Variants in IL1RAPL1 observed in about 807,000 individuals in gnomAD.
The protein encoded by IL1RAPL1 is interleukin-1 receptor accessory protein-like 1.
IL1RAPL1 carries 3 observed loss-of-function variants against 48.4 expected under a neutral mutation model. The observed-to-expected ratio is 0.06, with a 90% CI of 0.03 to 0.16. The LOEUF is 0.16. Among genes scored for constraint, IL1RAPL1 ranks in the 10% least tolerant of loss-of-function variants. IL1RAPL1 has a pLI of 1.00. For synonymous variants in IL1RAPL1, 185 were observed against 187.7 expected, an observed-to-expected ratio of 0.99 and a Z score of 0.12; for missense variants, 349 against 530.6, an observed-to-expected ratio of 0.66 and a Z score of 3.36.
chrX:28,694,902 T>C (rs1427991083), intron 1 of IL1RAPL1, among the ~76,000 whole-genome samples: 2 of 111,343 alleles, frequency 1.8e-5, no homozygotes, highest in African/African-American at 6.5e-5. Context: ...ATTCCACCTT[T>C]GATCCTCCTG....
chrX:29,571,799 C>T lies in IL1RAPL1; in HGVS notation c.704-96631C>T, dbSNP rs549379488. Among the ~76,000 whole-genome samples the T allele has an allele frequency of 2.5e-4, 28 of 111,359 alleles. No individual in the cohort carries two copies. In the South Asian group the frequency reaches 9.8e-3, roughly 39 times the overall value. On this transcript the variant is annotated intron_variant, in intron 5 of 10. Transcript: ENST00000378993. Reference sequence around the variant, plus strand: ...GCCAAATCATCTTAGACTTTATGTCCCTTCCTCCCTACAATGTCACCATCC... The same window carrying T: ...GCCAAATCATCTTAGACTTTATGTCTCTTCCTCCCTACAATGTCACCATCC...
intron 6 of IL1RAPL1, among the ~76,000 whole-genome samples, chrX:29,782,472 ACT>A (rs1454417282): frequency 9.0e-6 from 1 of 111,282 alleles, no homozygotes; most frequent in Non-Finnish European, 1.9e-5. Flanking sequence ...CCTCTTTTAT[ACT>A]TTGTACTAAA....
At chrX:29,586,089 G>A (rs1923149489) in intron 5 of IL1RAPL1, among the ~76,000 whole-genome samples, 1 of 111,659 alleles carries the variant, frequency 9.0e-6, no homozygotes, top group Non-Finnish European at 1.9e-5. Context: ...GGTTGCCTAT[G>A]CTTTTGGTGT....
In IL1RAPL1 at chrX:29,129,974, T is replaced by G. The variant is rs1317197287; in HGVS notation, c.83-152964T>G. ...AACCCTCATATTTTCTATATTTATT[T>G]GAAAGGGAAGATTTTGGGTTTTTCA... On this transcript the variant is annotated intron_variant, in intron 2 of 10. Coordinates refer to ENST00000378993, the MANE Select transcript of IL1RAPL1 (RefSeq NM_014271.4). Among the ~76,000 whole-genome samples the G allele has an allele frequency of 3.6e-5, 4 of 111,538 alleles. No individual in the cohort carries two copies. The East Asian group carries it at 1.1e-3, about 31-fold the overall frequency.
At chrX:29,033,686 A>G (rs972078815) in intron 2 of IL1RAPL1, among the ~76,000 whole-genome samples, 6 of 111,315 alleles carry the variant, frequency 5.4e-5, no homozygotes, top group African/African-American at 2.0e-4. Context: ...GGAGTCAGGG[A>G]TAGGAAATGA....
chrX:29,710,354 GT>G (rs11385352), intron 6 of IL1RAPL1, among the ~76,000 whole-genome samples: 13 of 100,195 alleles, frequency 1.3e-4, no homozygotes, highest in Admixed American at 3.3e-4. Context: ...ACTTTGTTGA[GT>G]TTTTTTTTTT....
At chrX:28,611,303 C>T (rs921088687) in intron 1 of IL1RAPL1, among the ~76,000 whole-genome samples, 2 of 111,351 alleles carry the variant, frequency 1.8e-5, no homozygotes, top group East Asian at 2.8e-4. Context: ...TTCAAGAGCG[C>T]GGTAGGAGAG....
In IL1RAPL1 at chrX:29,018,317, T is replaced by C. The variant is rs747831870; in HGVS notation, c.82+228892T>C. On this transcript the variant is annotated intron_variant, in intron 2 of 10. Coordinates refer to ENST00000378993, the MANE Select transcript of IL1RAPL1 (RefSeq NM_014271.4). ...ATGGGTTTACATATTAATTAATCTG[T>C]TGATGTATTCATGCATGCATTTGCA... Among the ~76,000 whole-genome samples, 5 of 112,496 alleles carry C rather than the reference T, an allele frequency of 4.4e-5. No individual in the cohort carries two copies. The East Asian group carries it at 1.4e-3, about 32-fold the overall frequency.
intron 5 of IL1RAPL1, among the ~76,000 whole-genome samples, chrX:29,509,687 G>GCGCA (rs1569327313): frequency 1.8e-5 from 2 of 109,479 alleles, no homozygotes; most frequent in African/African-American, 6.7e-5. Flanking sequence ...GCGCCCACAC[G>GCGCA]CACACACACA....
At chrX:29,670,760 A>G (rs1168188573) in intron 6 of IL1RAPL1, among the ~76,000 whole-genome samples, 1 of 112,170 alleles carries the variant, frequency 8.9e-6, no homozygotes, top group East Asian at 2.8e-4. Flanking sequence ...CCCTTTCCAT[A>G]TTTGACAAAA....
intron 5 of IL1RAPL1, among the ~76,000 whole-genome samples, chrX:29,479,431 A>AAAAAAAAAAAT (rs1384814024): frequency 9.4e-6 from 1 of 105,870 alleles, no homozygotes; most frequent in African/African-American, 3.5e-5. Flanking sequence ...AAAAAAAAAA[A>AAAAAAAAAAAT]TTAGCATTGT....
Position 28,666,833 on chromosome X carries a change from T to A in IL1RAPL1, c.-25+78786T>A, listed in dbSNP as rs769238263. Among the ~76,000 whole-genome samples the A allele has an allele frequency of 5.4e-5, 6 of 111,850 alleles. No individual in the cohort carries two copies. The East Asian group carries it at 1.7e-3, about 31-fold the overall frequency. ...CTAATTGATATTAGTAAATATACAGTATTTGTGACTTCCTTCAGTCATTAT... is the reference window on the plus strand; with the variant it reads ...CTAATTGATATTAGTAAATATACAGAATTTGTGACTTCCTTCAGTCATTAT... On this transcript the variant is annotated intron_variant, in intron 1 of 10. Coordinates refer to ENST00000378993, the MANE Select transcript of IL1RAPL1 (RefSeq NM_014271.4).
rs746681313 is a variant in IL1RAPL1, at chrX:29,498,656, G to A, written c.703+99348G>A. ...ACAGATAGAATATTCCTTAGATTAGGTGCACACAAATATTGAATATGTCAT... is the reference window on the plus strand; with the variant it reads ...ACAGATAGAATATTCCTTAGATTAGATGCACACAAATATTGAATATGTCAT... On this transcript the variant is annotated intron_variant, in intron 5 of 10. Transcript: ENST00000378993. 6.0e-4 allele frequency among the ~76,000 whole-genome samples: 66 copies of A among 109,877 alleles called. 3 individuals carry two copies. Among genetic ancestry groups the A allele is most frequent in the Admixed American group, 5.7e-3 (59 of 10,284 alleles).
intron 2 of IL1RAPL1, among the ~76,000 whole-genome samples, chrX:29,207,343 G>A (rs897450028): frequency 1.8e-5 from 2 of 112,029 alleles, no homozygotes; most frequent in Admixed American, 9.5e-5. Flanking sequence ...GGGTCATGAA[G>A]TCAAAATGAA....
At chrX:28,616,538 A>G (rs1934220864) in intron 1 of IL1RAPL1, among the ~76,000 whole-genome samples, 3 of 109,408 alleles carry the variant, frequency 2.7e-5, no homozygotes. Flanking sequence ...GGTTCAAGGG[A>G]GTCTCCTGCC....
chrX:28,731,353 T>C (rs1452571174), intron 1 of IL1RAPL1, among the ~76,000 whole-genome samples: 1 of 111,795 alleles, frequency 8.9e-6, no homozygotes, highest in Non-Finnish European at 1.9e-5. Context: ...AAGACAATGA[T>C]TGCTAGCTAG....
At chrX:29,389,405 G>A (rs1030107667) in intron 3 of IL1RAPL1, among the ~76,000 whole-genome samples, 9 of 106,005 alleles carry the variant, frequency 8.5e-5, no homozygotes, top group Non-Finnish European at 1.7e-4. Flanking sequence ...AAAGAAATCA[G>A]CCATAGGCCC....
chrX:29,272,889 T>C (rs182698271), intron 2 of IL1RAPL1, among the ~76,000 whole-genome samples: 13 of 112,148 alleles, frequency 1.2e-4, no homozygotes, highest in African/African-American at 4.2e-4. Flanking sequence ...AGATAACCAG[T>C]CTTCAAGCTC....
intron 1 of IL1RAPL1, among the ~76,000 whole-genome samples, chrX:28,759,152 C>T (rs932656158): frequency 3.6e-5 from 4 of 110,738 alleles, no homozygotes; most frequent in Non-Finnish European, 7.6e-5. Flanking sequence ...GCAGGAGAAT[C>T]GCTTGATCCC....
Sources: allele counts gnomAD v4.1 joint callset (sites outside exome capture counted in the v4.1 genomes callset), GRCh38; gene constraint gnomAD v4.1.1; transcripts MANE v1.5; gene names NCBI Gene and HGNC (gene_info 2026-07-23, HGNC 2026-07-21).